The following SIRT1 variants were observed in gnomAD, a reference collection of about 807,000 sequenced individuals.
SIRT1 encodes the protein sirtuin 1, also known as NAD-dependent protein deacetylase sirtuin-1.
Under a neutral mutation model 67.9 loss-of-function variants are expected in SIRT1, and 24 were observed. The observed-to-expected ratio is 0.35, with a 90% CI of 0.26 to 0.50. The LOEUF (loss-of-function observed/expected upper bound fraction) is 0.50, where lower values mean the gene tolerates loss of function less well. SIRT1 is among the 20% of genes least tolerant of loss of function. The pLI is 0.98. For missense variants in SIRT1, 873 were observed against 937.2 expected (o/e 0.93, Z 0.89); for synonymous variants, 378 against 350.7 (o/e 1.08, Z -0.87).
rs1235452860 is a variant in SIRT1 at position 67,906,793 on chromosome 10, A to G, written c.946A>G (p.Ile316Val). ...TTCTACCATTTGCTTGATACAGGAAATATATCCTGGACAATTCCAGCCATC... is the reference window on the plus strand; with the variant it reads ...TTCTACCATTTGCTTGATACAGGAAGTATATCCTGGACAATTCCAGCCATC... ...PRPFFKFAKE[I>V]YPGQFQPSLC... The change falls in exon 5 of 9, where the codon ATA becomes GTA. Residue 316 changes from isoleucine to valine, a missense_variant. Coordinates refer to ENST00000212015, the MANE Select transcript of SIRT1 (RefSeq NM_012238.5). 1.2e-6 allele frequency: 2 copies of G among 1,611,152 alleles called. No homozygotes were observed. Among genetic ancestry groups the G allele is most frequent in the South Asian group, 2.2e-5 (2 of 90,204 alleles).
chr10:67,900,547 T>G (rs1396851884), intron 4 of SIRT1, among the ~76,000 whole-genome samples: 1 of 152,176 alleles, frequency 6.6e-6, no homozygotes, highest in African/African-American at 2.4e-5. Context: ...TGGGCTCAAA[T>G]GATTCTCCTG....
At chr10:67,893,251 A>G (rs1842601800) in intron 4 of SIRT1, among the ~76,000 whole-genome samples, 1 of 152,136 alleles carries the variant, frequency 6.6e-6, no homozygotes, top group Non-Finnish European at 1.5e-5. Flanking sequence ...TCTAGGTTGT[A>G]AGCCCCACAT....
In SIRT1 at chr10:67,918,229, A is replaced by G. The variant is rs2029986195; in HGVS notation, c.*1636A>G. On this transcript the variant is annotated 3_prime_UTR_variant, in exon 9 of 9. Transcript: ENST00000212015. ...GAAGACTGTTTTCAGCTCTTTTTATATTGTACATAGTCTTTTATGTAATTT... is the reference window on the plus strand; with the variant it reads ...GAAGACTGTTTTCAGCTCTTTTTATGTTGTACATAGTCTTTTATGTAATTT... The G allele has an allele frequency of 6.6e-6, 1 of 152,550 alleles. No homozygotes were observed. Among genetic ancestry groups the G allele is most frequent in the Admixed American group, 6.6e-5 (1 of 15,256 alleles). 9.4% of individuals were successfully genotyped at this position (152,550 alleles called of 1,614,324 possible).
intron 4 of SIRT1, among the ~76,000 whole-genome samples, chr10:67,904,459 A>C (rs1256692557): frequency 1.3e-5 from 2 of 152,106 alleles, no homozygotes; most frequent in African/African-American, 4.8e-5. Context: ...TTTGAACACT[A>C]TATTTAAATC....
chr10:67,906,985 G>C (rs1357166661), intron 5 of SIRT1, 48 bp downstream of exon 5: 4 of 1,472,142 alleles, frequency 2.7e-6, no homozygotes, highest in Non-Finnish European at 3.6e-6. Context: ...TAGTTTTATA[G>C]GAAGATATTT....
chr10:67,904,408 A>G (rs1467070478), intron 4 of SIRT1, among the ~76,000 whole-genome samples: 2 of 151,424 alleles, frequency 1.3e-5, no homozygotes, highest in African/African-American at 4.9e-5. Flanking sequence ...AAGTGCTGGG[A>G]TTAGAGGTGT....
intron 6 of SIRT1, 114 bp from the exon 7 acceptor site, chr10:67,909,142 G>GTT (rs542651682): frequency 1.5e-4 from 93 of 628,396 alleles, no homozygotes; most frequent in South Asian, 3.8e-4. Context: ...TTTCTGTTTT[G>GTT]TTTTTTTTTT....
chr10:67,889,152 G>T, intron 3 of SIRT1, 29 bp downstream of exon 3: 1 of 1,552,920 alleles, frequency 6.4e-7, no homozygotes, highest in African/African-American at 1.4e-5. Flanking sequence ...TGGGGAGGTC[G>T]TATATGTATT....
chr10:67,890,259 T>C (rs1842548393), intron 3 of SIRT1, among the ~76,000 whole-genome samples: 1 of 152,186 alleles, frequency 6.6e-6, no homozygotes, highest in Non-Finnish European at 1.5e-5. Flanking sequence ...TTTCACCATA[T>C]TGGCCAGGCT....
intron 4 of SIRT1, among the ~76,000 whole-genome samples, chr10:67,899,956 C>G (rs1160383875): frequency 6.6e-6 from 1 of 151,828 alleles, no homozygotes. Context: ...TGGTGGCAAG[C>G]GCCTGTAGTC....
chr10:67,914,431 T>C (rs542187377), intron 8 of SIRT1, among the ~76,000 whole-genome samples: 1 of 152,172 alleles, frequency 6.6e-6, no homozygotes, highest in South Asian at 2.1e-4. Context: ...GCAAAATATT[T>C]AACAATAAGT....
intron 4 of SIRT1, chr10:67,906,197 AAC>A (rs958887349): frequency 2.4e-5 from 35 of 1,449,072 alleles, no homozygotes; most frequent in Admixed American, 2.1e-4. Context: ...TGGGGGGAAA[AAC>A]ACACACACAA....
intron 4 of SIRT1, among the ~76,000 whole-genome samples, chr10:67,892,598 CT>C (rs60883216): frequency 0.083 from 12,127 of 145,780 alleles, 709 homozygotes; most frequent in East Asian, 0.32. Context: ...TTGAAGTTTA[CT>C]TTTTTTTTTT....
At chr10:67,908,550 G>A (rs760965074) in intron 6 of SIRT1, among the ~76,000 whole-genome samples, 12 of 152,156 alleles carry the variant, frequency 7.9e-5, no homozygotes, top group Non-Finnish European at 1.8e-4. Context: ...TATGTCCTGT[G>A]TGCTTAGCAA....
At chr10:67,903,112 T>C (rs2131873413) in intron 4 of SIRT1, among the ~76,000 whole-genome samples, 1 of 152,132 alleles carries the variant, frequency 6.6e-6, no homozygotes, top group East Asian at 1.9e-4. Context: ...GGTGTGAATT[T>C]TGTTATGTTG....
rs557717846 is a variant in SIRT1, at chr10:67,915,479, G to T, written c.1916-786G>T. Among the ~76,000 whole-genome samples the T allele has an allele frequency of 4.5e-4, 68 of 152,234 alleles. 1 individual carries two copies. In the South Asian group the frequency reaches 0.013, roughly 30 times the overall value. On this transcript the variant is annotated intron_variant, in intron 8 of 8. Coordinates refer to ENST00000212015, the MANE Select transcript of SIRT1 (RefSeq NM_012238.5). ...CATGGATTCACATTACATCTTAGAG[G>T]AGTTTTCAAAAGCGTCTTAGACTGT...
At chr10:67,906,187 TG>T (rs1564890737) in intron 4 of SIRT1, 3 of 1,428,358 alleles carry the variant, frequency 2.1e-6, no homozygotes, top group Non-Finnish European at 2.8e-6. Flanking sequence ...AAGCATTATT[TG>T]GGGGGAAAAA....
chr10:67,914,832 A>G (rs996406766), intron 8 of SIRT1, among the ~76,000 whole-genome samples: 1 of 151,182 alleles, frequency 6.6e-6, no homozygotes. Context: ...CTCACTCTCC[A>G]GAGTAGCTGT....
At chr10:67,904,567 C>T (rs1053720003) in intron 4 of SIRT1, among the ~76,000 whole-genome samples, 21 of 152,026 alleles carry the variant, frequency 1.4e-4, no homozygotes, top group Admixed American at 7.9e-4. Flanking sequence ...TACGCTTGGC[C>T]GGGTGCAGTG....
Sources: allele counts gnomAD v4.1 joint callset (sites outside exome capture counted in the v4.1 genomes callset), GRCh38; gene constraint gnomAD v4.1.1; transcripts MANE v1.5; gene names NCBI Gene and HGNC (gene_info 2026-07-23, HGNC 2026-07-21).